XKR4: variants seen among roughly 807,000 people sequenced by gnomAD.
XKR4 encodes the protein XK related 4.
Under a neutral mutation model 53.9 loss-of-function variants are expected in XKR4, and 12 were observed. The ratio of observed to expected loss-of-function variants is 0.22; its 90% confidence interval spans 0.14 to 0.36. The LOEUF is 0.36. Ranked by LOEUF, XKR4 falls within the 10% of genes least tolerant of loss-of-function variation. The pLI is 1.00. For synonymous variants in XKR4, 354 were observed against 362.4 expected (o/e 0.98, Z 0.26); for missense variants, 799 against 859.5 (o/e 0.93, Z 0.88).
At chr8:55,286,043 T>A (rs1818903300) in intron 1 of XKR4, among the ~76,000 whole-genome samples, 1 of 152,234 alleles carries the variant, frequency 6.6e-6, no homozygotes, top group Non-Finnish European at 1.5e-5. Flanking sequence ...TCTGCCGAGC[T>A]GCACAGAATC....
chr8:55,315,661 A>G (rs1031541297), intron 1 of XKR4, among the ~76,000 whole-genome samples: 62 of 152,300 alleles, frequency 4.1e-4, no homozygotes, highest in African/African-American at 1.4e-3. Context: ...CCTGTCTCTA[A>G]AAACATAAAA....
intron 1 of XKR4, among the ~76,000 whole-genome samples, chr8:55,155,442 T>C (rs1816893964): frequency 1.3e-5 from 2 of 151,698 alleles, no homozygotes; most frequent in African/African-American, 4.9e-5. Flanking sequence ...TCAAAATAGA[T>C]ATACATTTTA....
At chr8:55,200,323 C>T (rs920466187) in intron 1 of XKR4, among the ~76,000 whole-genome samples, 1 of 152,208 alleles carries the variant, frequency 6.6e-6, no homozygotes, top group Non-Finnish European at 1.5e-5. Flanking sequence ...CTGCCTCGGC[C>T]TCCCAAAGTG....
intron 1 of XKR4, among the ~76,000 whole-genome samples, chr8:55,172,197 C>T (rs2129358592): frequency 6.7e-6 from 1 of 148,568 alleles, no homozygotes; most frequent in East Asian, 2.0e-4. Flanking sequence ...GTCGACAGAG[C>T]AAGACTCTCT....
At chr8:55,450,791 G>GA in intron 2 of XKR4, 1 of 529,758 alleles carries the variant, frequency 1.9e-6, no homozygotes, top group Non-Finnish European at 3.6e-6. Flanking sequence ...GAGAACAGCT[G>GA]CACCAAGGAT....
intron 1 of XKR4, among the ~76,000 whole-genome samples, chr8:55,237,190 G>C (rs1306507388): frequency 6.6e-6 from 1 of 152,188 alleles, no homozygotes; most frequent in Non-Finnish European, 1.5e-5. Context: ...GGGGAGGTGA[G>C]TGGGTGCAAC....
chr8:55,480,059 G>A (rs1230250904), intron 2 of XKR4, among the ~76,000 whole-genome samples: 2 of 152,168 alleles, frequency 1.3e-5, no homozygotes, highest in Non-Finnish European at 2.9e-5. Context: ...TATGAGGCCA[G>A]CATCATACTG....
At chr8:55,520,164 A>G (rs1487042055) in intron 2 of XKR4, among the ~76,000 whole-genome samples, 1 of 152,204 alleles carries the variant, frequency 6.6e-6, no homozygotes, top group East Asian at 1.9e-4. Context: ...AAAAGAACTA[A>G]GTGTTCTGTG....
At chr8:55,467,866 C>T (rs1477843601) in intron 2 of XKR4, among the ~76,000 whole-genome samples, 2 of 152,000 alleles carry the variant, frequency 1.3e-5, no homozygotes, top group East Asian at 1.9e-4. Flanking sequence ...TTTTTAATAA[C>T]CTCATGTTGA....
chr8:55,361,145 G>A (rs1229899216), intron 2 of XKR4, among the ~76,000 whole-genome samples: 4 of 152,174 alleles, frequency 2.6e-5, no homozygotes, highest in African/African-American at 9.7e-5. Flanking sequence ...CAGGAGGCCC[G>A]ACTGCATGCA....
chr8:55,461,531 A>G (rs1187007176), intron 2 of XKR4, among the ~76,000 whole-genome samples: 2 of 152,238 alleles, frequency 1.3e-5, no homozygotes, highest in Non-Finnish European at 2.9e-5. Context: ...GGGAAAAAAC[A>G]GAGCAGAAAA....
chr8:55,407,753 G>T (rs1804708765), intron 2 of XKR4, among the ~76,000 whole-genome samples: 1 of 152,208 alleles, frequency 6.6e-6, no homozygotes. Flanking sequence ...CATTTCAAAG[G>T]CTGCTTTCTT....
At chr8:55,137,352 T>G (rs185182730) in intron 1 of XKR4, among the ~76,000 whole-genome samples, 34 of 152,306 alleles carry the variant, frequency 2.2e-4, no homozygotes, top group Middle Eastern at 3.4e-3. Context: ...CAATTGTCCA[T>G]TATTTACCAG....
chr8:55,516,893 T>C (rs1378922221), intron 2 of XKR4, among the ~76,000 whole-genome samples: 1 of 151,908 alleles, frequency 6.6e-6, no homozygotes, highest in Non-Finnish European at 1.5e-5. Flanking sequence ...CAAAGGAGGA[T>C]TGGATTAAAA....
chr8:55,398,476 C>T (rs948526267), intron 2 of XKR4, among the ~76,000 whole-genome samples: 4 of 152,150 alleles, frequency 2.6e-5, no homozygotes, highest in South Asian at 4.1e-4. Context: ...AGAATAGCTC[C>T]GTTCTTTGTT....
rs111309434 is a variant in XKR4, at chr8:55,404,572, G to A, written c.1006+46695G>A. Among the ~76,000 whole-genome samples, 516 of 152,312 alleles carry A rather than the reference G, an allele frequency of 3.4e-3. 2 individuals carry two copies. Among genetic ancestry groups the A allele is most frequent in the African/African-American group, 0.012 (480 of 41,568 alleles). Reference sequence around the variant, plus strand: ...TTTCCATGCTCACTACAGAAAGATCGTTGTGTTCATTCATCTCGCTAACCC... The same window carrying A: ...TTTCCATGCTCACTACAGAAAGATCATTGTGTTCATTCATCTCGCTAACCC... On this transcript the variant is annotated intron_variant, in intron 2 of 2. Coordinates refer to ENST00000327381, the MANE Select transcript of XKR4 (RefSeq NM_052898.2).
chr8:55,519,758 T>A (rs922233574), intron 2 of XKR4, among the ~76,000 whole-genome samples: 1 of 152,154 alleles, frequency 6.6e-6, no homozygotes, highest in Non-Finnish European at 1.5e-5. Context: ...TTTATGTGGT[T>A]ATGTAAGAGA....
intron 2 of XKR4, among the ~76,000 whole-genome samples, chr8:55,421,839 G>A (rs1037668115): frequency 6.6e-6 from 1 of 152,204 alleles, no homozygotes; most frequent in South Asian, 2.1e-4. Flanking sequence ...GAAAGAATGA[G>A]ACACTAGGGA....
intron 2 of XKR4, among the ~76,000 whole-genome samples, chr8:55,502,538 A>G (rs976730668): frequency 8.5e-5 from 13 of 152,172 alleles, no homozygotes; most frequent in Admixed American, 3.3e-4. Flanking sequence ...CTTTGAAGAA[A>G]TATCTGTTCA....
Sources: allele counts gnomAD v4.1 joint callset (sites outside exome capture counted in the v4.1 genomes callset), GRCh38; gene constraint gnomAD v4.1.1; transcripts MANE v1.5; gene names NCBI Gene and HGNC (gene_info 2026-07-23, HGNC 2026-07-21).